The following SLC35D4 variants were observed in gnomAD, a reference collection of about 807,000 sequenced individuals.
The protein encoded by SLC35D4 is UDP-N-acetylglucosamine transporter SLC35D4.
the SLC35D4 span, among the ~76,000 whole-genome samples, chr18:23,416,719 C>T: frequency 6.6e-6 from 1 of 152,144 alleles, no homozygotes; most frequent in Non-Finnish European, 1.5e-5. Context: ...TGTGAATGCA[C>T]CTGCAGGAGA....
the SLC35D4 span, chr18:23,253,629 G>A: frequency 3.0e-6 from 3 of 993,462 alleles, no homozygotes; most frequent in Non-Finnish European, 4.5e-6. Flanking sequence ...CACCCTCTGG[G>A]AAAGAGAAAG....
the SLC35D4 span, among the ~76,000 whole-genome samples, chr18:23,239,561 G>T: frequency 5.9e-5 from 9 of 152,340 alleles, no homozygotes; most frequent in South Asian, 1.7e-3. Flanking sequence ...CATTGAACTT[G>T]TAGGAAACAG....
At chr18:23,338,023 T>C in the SLC35D4 span, among the ~76,000 whole-genome samples, 1 of 152,212 alleles carries the variant, frequency 6.6e-6, no homozygotes, top group African/African-American at 2.4e-5. Context: ...GAGGCGTTGT[T>C]ATGGAGACAG....
At chr18:23,433,548 A>G in the SLC35D4 span, among the ~76,000 whole-genome samples, 7 of 152,174 alleles carry the variant, frequency 4.6e-5, no homozygotes, top group Non-Finnish European at 1.5e-5. Context: ...CTCCCAAAGG[A>G]TGGAGGAACA....
chr18:23,277,851 T>C, the SLC35D4 span, among the ~76,000 whole-genome samples: 1 of 152,156 alleles, frequency 6.6e-6, no homozygotes, highest in African/African-American at 2.4e-5. Flanking sequence ...GACAAGGCCT[T>C]GGGGCTCCGA....
At chr18:23,312,660 C>G in the SLC35D4 span, among the ~76,000 whole-genome samples, 6 of 152,264 alleles carry the variant, frequency 3.9e-5, no homozygotes, top group African/African-American at 7.2e-5. Flanking sequence ...CTCCCCAGCA[C>G]GTGGTTTCTA....
chr18:23,276,134 C>G, the SLC35D4 span, among the ~76,000 whole-genome samples: 3 of 152,036 alleles, frequency 2.0e-5, no homozygotes, highest in East Asian at 5.8e-4. Flanking sequence ...GTCGCCCAGC[C>G]TGGAGTGCAG....
the SLC35D4 span, among the ~76,000 whole-genome samples, chr18:23,400,196 C>T: frequency 0.12 from 18,712 of 152,080 alleles, 1,246 homozygotes; most frequent in Middle Eastern, 0.19. Flanking sequence ...TAAGGACTTC[C>T]GAAGGGTACA....
the SLC35D4 span, among the ~76,000 whole-genome samples, chr18:23,378,399 C>A: frequency 1.3e-5 from 2 of 152,012 alleles, no homozygotes; most frequent in South Asian, 4.2e-4. Context: ...TGACTCAGAG[C>A]AGTCCTATAA....
chr18:23,260,206 T>TA, the SLC35D4 span: 177 of 152,344 alleles, frequency 1.2e-3, no homozygotes, highest in African/African-American at 3.9e-3. Flanking sequence ...TGCCCGCTAA[T>TA]AAAACCTATT....
chr18:23,245,091 C>T, the SLC35D4 span, among the ~76,000 whole-genome samples: 1 of 152,322 alleles, frequency 6.6e-6, no homozygotes, highest in Middle Eastern at 3.4e-3. Flanking sequence ...CGTTATACCC[C>T]AGCCCACCTG....
At chr18:23,359,563 A>G in the SLC35D4 span, among the ~76,000 whole-genome samples, 2 of 152,132 alleles carry the variant, frequency 1.3e-5, no homozygotes, top group African/African-American at 4.8e-5. Context: ...CATGGTGAAA[A>G]GTGTGACACA....
At chr18:23,367,677 G>A in the SLC35D4 span, among the ~76,000 whole-genome samples, 33 of 151,940 alleles carry the variant, frequency 2.2e-4, no homozygotes, top group African/African-American at 3.1e-4. Flanking sequence ...TACTCAATAC[G>A]TTTTCTGAAC....
chr18:23,399,630 C>T, the SLC35D4 span: 3 of 1,613,800 alleles, frequency 1.9e-6, no homozygotes, highest in South Asian at 3.3e-5. Flanking sequence ...AGCAGGAAGC[C>T]ACACAAGAAC....
chr18:23,293,061 G>A, the SLC35D4 span, among the ~76,000 whole-genome samples: 1 of 152,200 alleles, frequency 6.6e-6, no homozygotes, highest in South Asian at 2.1e-4. Context: ...CCAATGTTGT[G>A]AAACCCCATC....
At chr18:23,311,059 AC>A in the SLC35D4 span, among the ~76,000 whole-genome samples, 4 of 151,422 alleles carry the variant, frequency 2.6e-5, no homozygotes, top group African/African-American at 9.7e-5. Flanking sequence ...TTGAATGACA[AC>A]TTTTGAGCTG....
At chr18:23,365,415 C>G in the SLC35D4 span, among the ~76,000 whole-genome samples, 1 of 152,160 alleles carries the variant, frequency 6.6e-6, no homozygotes, top group African/African-American at 2.4e-5. Flanking sequence ...TGAGATCATA[C>G]TGGATGAAAA....
At chr18:23,374,606 C>A in the SLC35D4 span, among the ~76,000 whole-genome samples, 4 of 151,900 alleles carry the variant, frequency 2.6e-5, no homozygotes, top group Non-Finnish European at 4.4e-5. Flanking sequence ...CTGCCTCAGC[C>A]TCCCGAGTAA....
the SLC35D4 span, among the ~76,000 whole-genome samples, chr18:23,274,251 A>G: frequency 6.6e-6 from 1 of 152,212 alleles, no homozygotes; most frequent in African/African-American, 2.4e-5. Flanking sequence ...TTTCCATTGT[A>G]AAAATGGGAG....
Sources: allele counts gnomAD v4.1 joint callset (sites outside exome capture counted in the v4.1 genomes callset), GRCh38; gene constraint gnomAD v4.1.1; transcripts MANE v1.5; gene names NCBI Gene and HGNC (gene_info 2026-07-23, HGNC 2026-07-21).